Variants in NUP210L observed in about 807,000 individuals in gnomAD.
The protein encoded by NUP210L is nucleoporin 210 like.
In NUP210L, 74 loss-of-function variants were observed where a neutral mutation model predicts 208.5. The ratio of observed to expected loss-of-function variants is 0.35; its 90% CI spans 0.29 to 0.43. The LOEUF (loss-of-function observed/expected upper bound fraction) is 0.43. Ranked by LOEUF, NUP210L falls within the 20% of genes least tolerant of loss-of-function variation. The pLI is 1.00. For missense variants in NUP210L, 1,843 were observed against 2,289.4 expected (o/e 0.81, Z 3.98); for synonymous variants, 780 against 816.9 (o/e 0.95, Z 0.77).
At position 154,072,327 on chromosome 1, in the gene NUP210L, C is replaced by CTTTTT. The variant is rs1213732819; in HGVS notation, c.2362-1867_2362-1863dup. Among the ~76,000 whole-genome samples the CTTTTT allele has an allele frequency of 2.6e-3, 207 of 80,298 alleles. 5 individuals are homozygous for CTTTTT. Among genetic ancestry groups the CTTTTT allele is most frequent in the Non-Finnish European group, 3.1e-3 (128 of 40,776 alleles). 52.7% of individuals were successfully genotyped at this position (80,298 alleles called of 152,430 possible). Reference sequence around the variant, plus strand: ...TTTTTTATTTTAATTATGGCCATTCCTTTTTTTTTTTTTTTTTTTTTTTGA... The same window carrying CTTTTT: ...TTTTTTATTTTAATTATGGCCATTCCTTTTTTTTTTTTTTTTTTTTTTTTTTTTGA... On this transcript the variant is annotated intron_variant, in intron 16 of 39. Transcript: ENST00000368559.
At chr1:154,059,798 T>A (rs1285759980) in intron 20 of NUP210L, among the ~76,000 whole-genome samples, 3 of 152,328 alleles carry the variant, frequency 2.0e-5, no homozygotes, top group Non-Finnish European at 2.9e-5. Context: ...TAAATTACTT[T>A]AAGCTGTTAG....
chr1:154,090,245 T>G (rs1454720738), intron 15 of NUP210L, among the ~76,000 whole-genome samples: 1 of 151,928 alleles, frequency 6.6e-6, no homozygotes, highest in East Asian at 1.9e-4. Context: ...CTTTGACCAA[T>G]TATTTCAGTC....
intron 6 of NUP210L, among the ~76,000 whole-genome samples, chr1:154,137,458 A>G (rs1162722484): frequency 6.6e-6 from 1 of 151,940 alleles, no homozygotes; most frequent in African/African-American, 2.4e-5. Context: ...AGGCTGAGGC[A>G]GGAGAACTGC....
chr1:154,141,448 T>C (rs1571323107), exon 4 of NUP210L: 1 of 1,606,966 alleles, frequency 6.2e-7, no homozygotes, highest in Non-Finnish European at 8.5e-7. Flanking sequence ...TGCTAGACAG[T>C]TCTTCTCTTG....
At chr1:154,100,033 T>C (rs1288628281) in exon 14 of NUP210L, 1 of 1,613,998 alleles carries the variant, frequency 6.2e-7, no homozygotes, top group Non-Finnish European at 8.5e-7. Context: ...GTAGCACTGC[T>C]CTCCAAGTAC....
chr1:154,114,787 G>T (rs984481377), intron 12 of NUP210L, among the ~76,000 whole-genome samples: 1 of 150,528 alleles, frequency 6.6e-6, no homozygotes, highest in African/African-American at 2.4e-5. Context: ...ATGGGGGGGG[G>T]GGTCTTGCTT....
chr1:154,049,470 T>C (rs1325205768), intron 25 of NUP210L, among the ~76,000 whole-genome samples: 2 of 152,198 alleles, frequency 1.3e-5, no homozygotes, highest in African/African-American at 4.8e-5. Context: ...TCATTTTTGA[T>C]GGCAGCCATT....
At chr1:154,122,138 T>G (rs1657645950) in intron 10 of NUP210L, among the ~76,000 whole-genome samples, 2 of 152,176 alleles carry the variant, frequency 1.3e-5, no homozygotes, top group Admixed American at 6.6e-5. Context: ...AAAAGACTAG[T>G]AAAACAATAT....
At chr1:154,149,255 T>A (rs1003602415) in intron 2 of NUP210L, among the ~76,000 whole-genome samples, 2 of 152,008 alleles carry the variant, frequency 1.3e-5, no homozygotes, top group African/African-American at 2.4e-5. Flanking sequence ...CCAGCTAATT[T>A]TTGTATTTTT....
exon 32 of NUP210L, chr1:154,022,252 C>T: frequency 1.2e-6 from 2 of 1,614,132 alleles, no homozygotes; most frequent in Non-Finnish European, 8.5e-7. Context: ...TGTCTCCGGT[C>T]CCAAAGCCCC....
In NUP210L at chr1:154,001,033, C is replaced by A. The variant is rs796574988; in HGVS notation, c.5209G>T (p.Val1737Phe). 6.2e-7 allele frequency: 1 copy of A among 1,614,060 alleles called. No homozygotes were observed. The highest frequency in any genetic ancestry group is 1.3e-5 in the African/African-American group (1 of 74,986). Residue 1737 changes from valine (V) to phenylalanine (F), a missense_variant, in exon 37 of 40, where the codon GTC becomes TTC. By Grantham distance (50) the Val-to-Phe change is conservative (BLOSUM62 -1). Transcript: ENST00000368559. ...AGGGGAGAGTGGCTATGGCCAGCGA[C>A]CACTAGAACTGGGGAGCTGGAGATG...
intron 16 of NUP210L, among the ~76,000 whole-genome samples, chr1:154,087,437 T>C (rs993358446): frequency 6.6e-6 from 1 of 150,898 alleles, no homozygotes; most frequent in African/African-American, 2.4e-5. Context: ...TGACAAATAA[T>C]AGTAATTGTT....
chr1:154,154,771 C>A, intron 1 of NUP210L, 71 bp downstream of exon 1: 1 of 1,262,138 alleles, frequency 7.9e-7, no homozygotes, highest in South Asian at 1.2e-5. Flanking sequence ...TGGGATCTTA[C>A]AGAGGGAACC....
At chr1:154,018,952 A>G in exon 33 of NUP210L, 1 of 1,613,612 alleles carries the variant, frequency 6.2e-7, no homozygotes, top group Non-Finnish European at 8.5e-7. Flanking sequence ...TGTTTTCACT[A>G]CTCCTGGGAT....
At chr1:154,153,569 C>T (rs1288242224) in intron 1 of NUP210L, among the ~76,000 whole-genome samples, 1 of 152,176 alleles carries the variant, frequency 6.6e-6, no homozygotes, top group Non-Finnish European at 1.5e-5. Flanking sequence ...CCCGGCCTCC[C>T]AAAGTGCTGG....
chr1:154,016,934 T>A (rs1329502091), intron 33 of NUP210L, among the ~76,000 whole-genome samples: 1 of 151,378 alleles, frequency 6.6e-6, no homozygotes, highest in African/African-American at 2.4e-5. Context: ...CCACTGCATT[T>A]CAGCCTGGGC....
At chr1:154,147,857 A>AT (rs1659195831) in intron 2 of NUP210L, among the ~76,000 whole-genome samples, 3 of 149,446 alleles carry the variant, frequency 2.0e-5, no homozygotes, top group African/African-American at 7.4e-5. Context: ...GGGTTTCACC[A>AT]TGTTGGCAAG....
chr1:154,053,421 T>A (rs190116130), intron 25 of NUP210L, among the ~76,000 whole-genome samples: 1 of 152,182 alleles, frequency 6.6e-6, no homozygotes, highest in East Asian at 1.9e-4. Flanking sequence ...AGGGAGAACA[T>A]GTTGGGAACA....
At chr1:154,087,109 C>T (rs910802099) in intron 16 of NUP210L, among the ~76,000 whole-genome samples, 1 of 152,044 alleles carries the variant, frequency 6.6e-6, no homozygotes, top group South Asian at 2.1e-4. Flanking sequence ...CAGCTGAGGT[C>T]AGGAGTTTGA....
Sources: gnomAD v4.1 joint callset for allele counts (sites outside exome capture counted in the v4.1 genomes callset) on GRCh38, gnomAD v4.1.1 for gene constraint, MANE v1.5 for transcripts, NCBI Gene and HGNC (gene_info 2026-07-23, HGNC 2026-07-21) for gene names.